The following ZSWIM1 variants were observed in gnomAD, a reference collection of about 807,000 sequenced individuals.
ZSWIM1 encodes zinc finger SWIM domain-containing protein 1.
In ZSWIM1, 22 loss-of-function variants were observed where a neutral mutation model predicts 29.3. The ratio of observed to expected loss-of-function variants is 0.75; its 90% CI spans 0.54 to 1.07. The LOEUF (loss-of-function observed/expected upper bound fraction) is 1.07, where lower values mean the gene tolerates loss of function less well. ZSWIM1 is among the 50% of genes least tolerant of loss of function. The pLI is 0.00. For synonymous variants in ZSWIM1, 228 were observed against 240.8 expected (o/e 0.95, Z 0.49); for missense variants, 511 against 596.2 (o/e 0.86, Z 1.49).
At position 45,884,136 on chromosome 20, in the gene ZSWIM1, ACACACACT is replaced by A. The variant is rs1359394014; in HGVS notation, c.*88_*95del. 175 of 1,445,532 alleles carry A rather than the reference ACACACACT, an allele frequency of 1.2e-4. No individual in the cohort carries two copies. The highest frequency in any genetic ancestry group is 1.2e-4 in the Non-Finnish European group (130 of 1,068,832). 89.5% of individuals were successfully genotyped at this position (1,445,532 alleles called of 1,614,324 possible). A position where few individuals can be genotyped will look rare whatever the true frequency, so the allele number is the denominator to read the frequency against. On this transcript the variant is annotated 3_prime_UTR_variant, in exon 2 of 2. Transcript: ENST00000372523. ...CACACACACACACACACACACACAC[ACACACACT>A]CCCTTACACTGTTGTACTTCCGTGG...
At chr20:45,881,436 G>A (rs920824580) in intron 1 of ZSWIM1, among the ~76,000 whole-genome samples, 175 bp downstream of exon 1, 2 of 152,212 alleles carry the variant, frequency 1.3e-5, no homozygotes, top group Non-Finnish European at 2.9e-5. Context: ...GTCAAAGGCC[G>A]TATTCCCTCT....
chr20:45,883,054 G>A lies in ZSWIM1; in HGVS notation c.462G>A (p.Leu154=). 1 of 1,614,124 alleles carries A rather than the reference G, an allele frequency of 6.2e-7. No homozygotes were observed. Among genetic ancestry groups the A allele is most frequent in the Non-Finnish European group, 8.5e-7 (1 of 1,180,030 alleles). ...TILVDPHFLP[L]PILAMEFPTA... is the part of the protein sequence containing the mutation. ...TGGTGGATCCTCATTTCCTTCCACT[G>A]CCTATCCTAGCTATGGAGTTCCCCA... The change falls in exon 2 of 2, where the codon CTG becomes CTA. Residue 154 remains leucine (L), a synonymous_variant. Transcript: ENST00000372523.
In ZSWIM1 at chr20:45,882,701, G is replaced by C. The variant is rs750363396; in HGVS notation, c.109G>C (p.Gly37Arg). Residue 37 changes from glycine to arginine, a missense_variant, in exon 2 of 2, where the codon GGG (glycine) becomes CGG (arginine). Gly to Arg is a moderately radical substitution (Grantham distance 125). Coordinates refer to ENST00000372523, the MANE Select transcript of ZSWIM1 (RefSeq NM_080603.5). The stretch of plus-strand genomic sequence containing the variant: ...TCCCATGGCCCTGACAATGCTGAAT[G>C]GGCTCCTGATTAAGGACTCAAGCCC... ...ISPMALTMLN[G>R]LLIKDSSPPM... 6.2e-7 allele frequency: 1 copy of C among 1,614,222 alleles called. No homozygotes were observed. Among genetic ancestry groups the C allele is most frequent in the Non-Finnish European group, 8.5e-7 (1 of 1,180,032 alleles).
Position 45,883,156 on chromosome 20 carries a change from G to A in ZSWIM1, c.564G>A (p.Arg188=). The A allele has an allele frequency of 1.9e-6, 3 of 1,614,034 alleles. No individual in the cohort carries two copies. Among genetic ancestry groups the A allele is most frequent in the Non-Finnish European group, 2.5e-6 (3 of 1,180,030 alleles). The stretch of plus-strand genomic sequence containing the variant: ...AGTTCTATCAGCTGTCCCTTGAACG[G>A]CCCGTGGAAAGGCTGCTCCTGACCT... ...QAKFYQLSLE[R]PVERLLLTSL... is the part of the protein sequence containing the mutation. The change falls in exon 2 of 2, where the codon CGG becomes CGA. Residue 188 remains arginine (R), a synonymous_variant. Transcript: ENST00000372523.
At position 45,882,912 on chromosome 20, in the gene ZSWIM1, A is replaced by G; in HGVS notation, c.320A>G (p.His107Arg). 1.2e-6 allele frequency: 2 copies of G among 1,614,212 alleles called. No homozygotes were observed. Among genetic ancestry groups the G allele is most frequent in the South Asian group, 1.1e-5 (1 of 91,088 alleles). Reference sequence around the variant, plus strand: ...GGACCTCGGGTGCAGCTGGAGGGTCATCTTGCCCGAGCAGTCTACTTTGCC... The same window carrying G: ...GGACCTCGGGTGCAGCTGGAGGGTCGTCTTGCCCGAGCAGTCTACTTTGCC... ...VDGPRVQLEGHLARAVYFAIP... is the reference protein window; with the variant it reads ...VDGPRVQLEGRLARAVYFAIP... The change falls in exon 2 of 2, where the codon CAT becomes CGT. Residue 107 changes from histidine to arginine, a missense_variant. By Grantham distance (29) the His-to-Arg change is conservative (BLOSUM62 0). Coordinates refer to ENST00000372523, the MANE Select transcript of ZSWIM1 (RefSeq NM_080603.5).
At position 45,883,128 on chromosome 20, in the gene ZSWIM1, C is replaced by G; in HGVS notation, c.536C>G (p.Ala179Gly). Residue 179 changes from alanine (A) to glycine (G), a missense_variant, in exon 2 of 2, where the codon GCC (alanine) becomes GGC (glycine). Transcript: ENST00000372523. ...SAFHICKFLQ[A>G]KFYQLSLERP... ...TTCCACATTTGTAAGTTCCTCCAGG[C>G]CAAGTTCTATCAGCTGTCCCTTGAA... The G allele has an allele frequency of 2.5e-6, 4 of 1,614,188 alleles. No homozygotes were observed. Among genetic ancestry groups the G allele is most frequent in the Non-Finnish European group, 3.4e-6 (4 of 1,180,034 alleles).
In ZSWIM1 at chr20:45,884,107, C is replaced by G; in HGVS notation, c.*57C>G. On this transcript the variant is annotated 3_prime_UTR_variant, in exon 2 of 2. Transcript: ENST00000372523. ...CTGTGCACACTCACATCCACCCATA[C>G]ACACACACACACACACACACACACA... 8 of 158,030 alleles carry G rather than the reference C, an allele frequency of 5.1e-5. No individual in the cohort carries two copies. Among genetic ancestry groups the G allele is most frequent in the Non-Finnish European group, 6.1e-5 (7 of 115,374 alleles). The allele number at this position is 158,030 out of a possible 1,614,324, so 9.8% of individuals were successfully genotyped here. A position where few individuals can be genotyped will look rare whatever the true frequency, so the allele number is the denominator to read the frequency against.
At position 45,883,863 on chromosome 20, in the gene ZSWIM1, G is replaced by T; in HGVS notation, c.1271G>T (p.Ser424Ile). 1 of 1,613,806 alleles carries T rather than the reference G, an allele frequency of 6.2e-7. No individual in the cohort carries two copies. Among genetic ancestry groups the T allele is most frequent in the East Asian group, 2.2e-5 (1 of 44,888 alleles). The change falls in exon 2 of 2, where the codon AGT becomes ATT. Residue 424 changes from serine to isoleucine, a missense_variant. Physicochemically the swap from Ser to Ile is moderately radical, Grantham distance 142 (BLOSUM62 -2). Transcript: ENST00000372523. ...CAGTGGACGGCAGGCTGTGCTACCAGTCTAGACAGCATCCTGGGCAGCAAG... is the reference window on the plus strand; with the variant it reads ...CAGTGGACGGCAGGCTGTGCTACCATTCTAGACAGCATCCTGGGCAGCAAG... The part of the protein sequence containing the change: ...PAQWTAGCAT[S>I]LDSILGSKWS...
Position 45,883,747 on chromosome 20 carries a change from C to G in ZSWIM1, c.1155C>G (p.Tyr385Ter). ...QPQPPASCSC[Y>*]FNQAFHLPCR... is the part of the protein sequence containing the mutation. Reference sequence around the variant, plus strand: ...AGCCCCCTGCCAGCTGCAGCTGCTACTTTAACCAGGCCTTCCACCTGCCCT... The same window carrying G: ...AGCCCCCTGCCAGCTGCAGCTGCTAGTTTAACCAGGCCTTCCACCTGCCCT... The change falls in exon 2 of 2, where the codon TAC (tyrosine) becomes TAG (stop). Residue 385 changes from tyrosine to a stop codon, truncating the protein, a stop_gained. Transcript: ENST00000372523. LOFTEE classifies it high-confidence loss of function. 1 of 1,614,020 alleles carries G rather than the reference C, an allele frequency of 6.2e-7. No individual in the cohort carries two copies. Among genetic ancestry groups the G allele is most frequent in the Non-Finnish European group, 8.5e-7 (1 of 1,180,040 alleles).
rs1392790480 is a variant in ZSWIM1, at chr20:45,883,514, C to T, written c.922C>T (p.Pro308Ser). 1 of 1,614,110 alleles carries T rather than the reference C, an allele frequency of 6.2e-7. No individual in the cohort carries two copies. The highest frequency in any genetic ancestry group is 8.5e-7 in the Non-Finnish European group (1 of 1,180,048). ...CCTGTGTGCCCAGAACAATCATGCT[C>T]CCTCAGACACCATCCCCGAAAGCCC... Reference protein sequence around the residue: ...QGLCAQNNHAPSDTIPESPKL... With the variant: ...QGLCAQNNHASSDTIPESPKL... The change falls in exon 2 of 2, where the codon CCC (proline) becomes TCC (serine). Residue 308 changes from proline (P) to serine (S), a missense_variant. Coordinates refer to ENST00000372523, the MANE Select transcript of ZSWIM1 (RefSeq NM_080603.5).
chr20:45,884,105 T>TACACACACAC lies in ZSWIM1; in HGVS notation c.*84_*93dup, dbSNP rs71181872. The TACACACACAC allele has an allele frequency of 1.9e-3, 2,039 of 1,089,532 alleles. 31 individuals are homozygous for TACACACACAC. The African/African-American group carries it at 0.032, about 17-fold the overall frequency. 67.5% of individuals were successfully genotyped at this position (1,089,532 alleles called of 1,614,324 possible). On this transcript the variant is annotated 3_prime_UTR_variant, in exon 2 of 2. Coordinates refer to ENST00000372523, the MANE Select transcript of ZSWIM1 (RefSeq NM_080603.5). Reference sequence around the variant, plus strand: ...ACCTGTGCACACTCACATCCACCCATACACACACACACACACACACACACA... The same window carrying TACACACACAC: ...ACCTGTGCACACTCACATCCACCCATACACACACACACACACACACACACACACACACACA...
At position 45,883,064 on chromosome 20, in the gene ZSWIM1, G is replaced by A; in HGVS notation, c.472G>A (p.Ala158Thr). 6.2e-7 allele frequency: 1 copy of A among 1,614,168 alleles called. No individual in the cohort carries two copies. The highest frequency in any genetic ancestry group is 8.5e-7 in the Non-Finnish European group (1 of 1,180,028). Residue 158 changes from alanine (A) to threonine (T), a missense_variant, in exon 2 of 2, where the codon GCT becomes ACT. Coordinates refer to ENST00000372523, the MANE Select transcript of ZSWIM1 (RefSeq NM_080603.5). ...DPHFLPLPIL[A>T]MEFPTAEVLL... ...TCATTTCCTTCCACTGCCTATCCTA[G>A]CTATGGAGTTCCCCACAGCTGAGGT...
At chr20:45,881,916 C>T (rs1986275437) in intron 1 of ZSWIM1, among the ~76,000 whole-genome samples, 1 of 152,186 alleles carries the variant, frequency 6.6e-6, no homozygotes, top group African/African-American at 2.4e-5. Flanking sequence ...GGCGCAATCT[C>T]GGCTCACTGC....
At position 45,883,470 on chromosome 20, in the gene ZSWIM1, A is replaced by G; in HGVS notation, c.878A>G (p.Lys293Arg). 1 of 1,614,224 alleles carries G rather than the reference A, an allele frequency of 6.2e-7. No individual in the cohort carries two copies. Among genetic ancestry groups the G allele is most frequent in the Non-Finnish European group, 8.5e-7 (1 of 1,180,042 alleles). ...FRYMQQNSAD[K>R]ANFNQGLCAQ... is the part of the protein sequence containing the mutation. ...TACATGCAGCAGAACTCTGCAGACA[A>G]GGCAAACTTCAACCAGGGCCTGTGT... Residue 293 changes from lysine (K) to arginine (R), a missense_variant, in exon 2 of 2, where the codon AAG becomes AGG. Coordinates refer to ENST00000372523, the MANE Select transcript of ZSWIM1 (RefSeq NM_080603.5).
Position 45,884,129 on chromosome 20 carries a change from C to A in ZSWIM1, c.*79C>A. On this transcript the variant is annotated 3_prime_UTR_variant, in exon 2 of 2. Transcript: ENST00000372523. Reference sequence around the variant, plus strand: ...ATACACACACACACACACACACACACACACACACACACACTCCCTTACACT... The same window carrying A: ...ATACACACACACACACACACACACAAACACACACACACACTCCCTTACACT... The A allele has an allele frequency of 6.9e-7, 1 of 1,445,204 alleles. No homozygotes were observed. Among genetic ancestry groups the A allele is most frequent in the Non-Finnish European group, 9.4e-7 (1 of 1,066,212 alleles). The allele number at this position is 1,445,204 out of a possible 1,614,324, so 89.5% of individuals were successfully genotyped here.
chr20:45,881,074 C>T (rs3746496), upstream of ZSWIM1, among the ~76,000 whole-genome samples: 10 of 152,296 alleles, frequency 6.6e-5, no homozygotes, highest in East Asian at 1.5e-3. Context: ...CCTTGTAACC[C>T]TGGCAACACG....
chr20:45,883,218 A>C lies in ZSWIM1; in HGVS notation c.626A>C (p.Asn209Thr). 6.2e-7 allele frequency: 1 copy of C among 1,613,878 alleles called. No homozygotes were observed. Among genetic ancestry groups the C allele is most frequent in the Non-Finnish European group, 8.5e-7 (1 of 1,180,024 alleles). ...QSTMCSATAGNLRKLYTLLSN... is the reference protein window; with the variant it reads ...QSTMCSATAGTLRKLYTLLSN... ...ACAATGTGCTCAGCCACAGCAGGCA[A>C]CCTGAGAAAGTTGTATACACTCCTG... is the stretch of plus-strand genomic sequence containing the variant. Residue 209 changes from asparagine (N) to threonine (T), a missense_variant, in exon 2 of 2, where the codon AAC becomes ACC. Asn to Thr is a moderately conservative substitution (Grantham distance 65, BLOSUM62 0). Coordinates refer to ENST00000372523, the MANE Select transcript of ZSWIM1 (RefSeq NM_080603.5).
upstream of ZSWIM1, chr20:45,881,093 G>A (rs3746497): frequency 0.46 from 69,836 of 151,984 alleles, 17,936 homozygotes; most frequent in Admixed American, 0.57. Flanking sequence ...CGGCCCGCCC[G>A]CGAATCGTCA....
chr20:45,882,298 C>CT (rs920209021), intron 1 of ZSWIM1, among the ~76,000 whole-genome samples: 2 of 152,230 alleles, frequency 1.3e-5, no homozygotes, highest in Non-Finnish European at 2.9e-5. Context: ...TCCATTACCA[C>CT]TTTAACTAAA....
Sources: gnomAD v4.1 joint callset for allele counts (sites outside exome capture counted in the v4.1 genomes callset) on GRCh38, gnomAD v4.1.1 for gene constraint, MANE v1.5 for transcripts, NCBI Gene and HGNC (gene_info 2026-07-23, HGNC 2026-07-21) for gene names.